EYA1: variants seen among roughly 807,000 people sequenced by gnomAD.
The protein encoded by EYA1 is protein phosphatase EYA1.
In EYA1, 16 loss-of-function variants were observed where a neutral mutation model predicts 82.0. The observed-to-expected ratio is 0.20, with a 90% CI of 0.13 to 0.30. The LOEUF (loss-of-function observed/expected upper bound fraction) is 0.30. Ranked by LOEUF, EYA1 falls within the 10% of genes least tolerant of loss-of-function variation. The probability of loss-of-function intolerance (pLI) is 1.00; values close to 1 mark genes in which losing one functional copy is unlikely to be tolerated. For synonymous variants in EYA1, 261 were observed against 264.4 expected (o/e 0.99, Z 0.12); for missense variants, 633 against 730.7 (o/e 0.87, Z 1.54).
At chr8:71,370,680 G>T (rs181035253) in intron 2 of EYA1, among the ~76,000 whole-genome samples, 2 of 152,152 alleles carry the variant, frequency 1.3e-5, no homozygotes, top group Admixed American at 1.3e-4. Context: ...GGGATGCAGT[G>T]ATGCAATCAT....
chr8:71,397,240 C>T (rs956958466), intron 2 of EYA1, among the ~76,000 whole-genome samples: 1 of 152,168 alleles, frequency 6.6e-6, no homozygotes, highest in Non-Finnish European at 1.5e-5. Flanking sequence ...CACTCTTTAT[C>T]CAATTTGCCA....
intron 2 of EYA1, among the ~76,000 whole-genome samples, chr8:71,516,921 T>C (rs1273102743): frequency 6.6e-6 from 1 of 152,080 alleles, no homozygotes; most frequent in Non-Finnish European, 1.5e-5. Context: ...ATTCCACCCT[T>C]CACTGTCAAA....
At chr8:71,213,181 TA>T (rs1339970233) in intron 16 of EYA1, among the ~76,000 whole-genome samples, 1 of 151,920 alleles carries the variant, frequency 6.6e-6, no homozygotes, top group African/African-American at 2.4e-5. Flanking sequence ...GAAAAAAAAA[TA>T]AAGCTTAATA....
intron 2 of EYA1, among the ~76,000 whole-genome samples, chr8:71,472,658 A>T (rs1386479955): frequency 6.6e-6 from 1 of 151,856 alleles, no homozygotes; most frequent in African/African-American, 2.4e-5. Context: ...TATCTTGCAT[A>T]GGGTAACTGC....
At chr8:71,202,742 T>G (rs1807212901) in intron 17 of EYA1, among the ~76,000 whole-genome samples, 1 of 152,182 alleles carries the variant, frequency 6.6e-6, no homozygotes, top group African/African-American at 2.4e-5. Flanking sequence ...TCCTCTGCAT[T>G]CTTTCATGGC....
At chr8:71,412,386 A>G (rs1277142459) in intron 2 of EYA1, among the ~76,000 whole-genome samples, 2 of 143,814 alleles carry the variant, frequency 1.4e-5, no homozygotes, top group Non-Finnish European at 3.0e-5. Context: ...TAATAAAAAA[A>G]TATAAAATAA....
intron 2 of EYA1, among the ~76,000 whole-genome samples, chr8:71,495,473 A>G (rs1811345047): frequency 6.6e-6 from 1 of 152,022 alleles, no homozygotes; most frequent in African/African-American, 2.4e-5. Flanking sequence ...AATCAGCCAG[A>G]CCTGGTGGCG....
intron 11 of EYA1, among the ~76,000 whole-genome samples, chr8:71,255,347 G>T (rs897162763): frequency 6.6e-6 from 1 of 152,106 alleles, no homozygotes; most frequent in African/African-American, 2.4e-5. Context: ...TTTCAAAACT[G>T]ATTACAAAGA....
chr8:71,340,470 T>G (rs1188595272), intron 3 of EYA1, among the ~76,000 whole-genome samples: 3 of 152,206 alleles, frequency 2.0e-5, no homozygotes, highest in Non-Finnish European at 4.4e-5. Context: ...AGATGTTTAA[T>G]GCTTCCTCAA....
chr8:71,278,178 T>C (rs1397538459), intron 9 of EYA1, among the ~76,000 whole-genome samples: 3 of 151,334 alleles, frequency 2.0e-5, no homozygotes, highest in African/African-American at 7.4e-5. Context: ...GTACAACACT[T>C]ACCAAAGCCT....
At chr8:71,300,130 C>T (rs9657099) in intron 7 of EYA1, among the ~76,000 whole-genome samples, 16,433 of 152,108 alleles carry the variant, frequency 0.11, 971 homozygotes, top group South Asian at 0.21. Context: ...CTTCCAAGAA[C>T]TTAAAATGCT....
At chr8:71,496,107 T>G (rs1811390890) in intron 2 of EYA1, among the ~76,000 whole-genome samples, 1 of 152,244 alleles carries the variant, frequency 6.6e-6, no homozygotes, top group African/African-American at 2.4e-5. Flanking sequence ...CCTAATTTTT[T>G]GAAAATGTTC....
At chr8:71,300,634 GA>G (rs150319553) in intron 7 of EYA1, among the ~76,000 whole-genome samples, 9 of 151,600 alleles carry the variant, frequency 5.9e-5, no homozygotes, top group Admixed American at 3.9e-4. Context: ...TTTACTCTAA[GA>G]AAAAAAATTA....
intron 9 of EYA1, among the ~76,000 whole-genome samples, chr8:71,288,990 C>T (rs1462933381): frequency 3.3e-5 from 5 of 152,144 alleles, no homozygotes; most frequent in African/African-American, 7.2e-5. Flanking sequence ...CACTTTAAAA[C>T]GAATAGCTTC....
chr8:71,340,418 A>G (rs1824988739), intron 3 of EYA1, among the ~76,000 whole-genome samples: 1 of 152,226 alleles, frequency 6.6e-6, no homozygotes, highest in Non-Finnish European at 1.5e-5. Flanking sequence ...AAAGAACCAT[A>G]TATCCATAAG....
intron 12 of EYA1, among the ~76,000 whole-genome samples, chr8:71,222,913 T>C (rs1056693734): frequency 6.6e-6 from 1 of 152,140 alleles, no homozygotes; most frequent in Admixed American, 6.5e-5. Context: ...TCCAGCTCTG[T>C]CTGCCCCACT....
At chr8:71,472,248 A>G (rs1809264378) in intron 2 of EYA1, among the ~76,000 whole-genome samples, 1 of 152,166 alleles carries the variant, frequency 6.6e-6, no homozygotes, top group Non-Finnish European at 1.5e-5. Context: ...CTTCTAGCCA[A>G]TTGTCCTTTT....
chr8:71,542,406 T>G (rs974829236), intron 1 of EYA1, among the ~76,000 whole-genome samples: 1 of 152,248 alleles, frequency 6.6e-6, no homozygotes, highest in Admixed American at 6.5e-5. Context: ...ATTCTTTTCT[T>G]GGCTGCATAG....
chr8:71,319,617 A>C (rs574292387), intron 6 of EYA1, among the ~76,000 whole-genome samples: 95 of 152,306 alleles, frequency 6.2e-4, no homozygotes, highest in Non-Finnish European at 4.0e-4. Flanking sequence ...GCAAAAAAAC[A>C]GAATGAATTT....
Sources: gnomAD v4.1 joint callset for allele counts (sites outside exome capture counted in the v4.1 genomes callset) on GRCh38, gnomAD v4.1.1 for gene constraint, MANE v1.5 for transcripts, NCBI Gene and HGNC (gene_info 2026-07-23, HGNC 2026-07-21) for gene names.